Variants in GRID2 observed in about 807,000 individuals in gnomAD.
GRID2 encodes the protein glutamate receptor ionotropic, delta-2.
In GRID2, 33 loss-of-function variants were observed where a neutral mutation model predicts 114.8. The ratio of observed to expected loss-of-function variants is 0.29; its 90% CI spans 0.22 to 0.38. GRID2 has a LOEUF of 0.38. Among genes scored for constraint, GRID2 ranks in the 10% least tolerant of loss-of-function variants. GRID2 has a pLI of 1.00. For missense variants in GRID2, 1,184 were observed against 1,257.7 expected, an observed-to-expected ratio of 0.94 and a Z score of 0.89; for synonymous variants, 505 against 449.9, an observed-to-expected ratio of 1.12 and a Z score of -1.55.
intron 2 of GRID2, among the ~76,000 whole-genome samples, chr4:92,764,771 A>G (rs1465854903): frequency 6.6e-6 from 1 of 152,144 alleles, no homozygotes; most frequent in Non-Finnish European, 1.5e-5. Flanking sequence ...TGCCTGATGC[A>G]TAGCTGTTGA....
intron 14 of GRID2, among the ~76,000 whole-genome samples, chr4:93,672,613 AT>A (rs1304789521): frequency 6.6e-6 from 1 of 152,108 alleles, no homozygotes; most frequent in Non-Finnish European, 1.5e-5. Flanking sequence ...TATTCCCACA[AT>A]TTTTTTCTAA....
chr4:93,261,952 C>T (rs562907860), intron 8 of GRID2, among the ~76,000 whole-genome samples: 21 of 151,426 alleles, frequency 1.4e-4, no homozygotes, highest in African/African-American at 4.8e-4. Context: ...AAATACTGAA[C>T]CAAAATAGGC....
intron 2 of GRID2, among the ~76,000 whole-genome samples, chr4:93,073,771 T>C (rs1729020313): frequency 6.6e-6 from 1 of 152,142 alleles, no homozygotes; most frequent in African/African-American, 2.4e-5. Flanking sequence ...TTCACAGATA[T>C]AAGCCAAGGT....
chr4:93,231,303 T>G (rs1746106641), intron 7 of GRID2, among the ~76,000 whole-genome samples: 1 of 151,008 alleles, frequency 6.6e-6, no homozygotes, highest in Non-Finnish European at 1.5e-5. Flanking sequence ...CATGTATTAA[T>G]CACTCTTTTA....
chr4:93,671,692 G>A (rs1724433880), intron 14 of GRID2, among the ~76,000 whole-genome samples: 1 of 152,106 alleles, frequency 6.6e-6, no homozygotes, highest in Non-Finnish European at 1.5e-5. Context: ...AACCAGGTTG[G>A]GCGCAGTGGC....
intron 13 of GRID2, among the ~76,000 whole-genome samples, chr4:93,582,595 C>T (rs1050096534): frequency 6.6e-6 from 1 of 152,076 alleles, no homozygotes; most frequent in African/African-American, 2.4e-5. Context: ...TGAGAAGTAG[C>T]GATCATCTCA....
intron 11 of GRID2, among the ~76,000 whole-genome samples, chr4:93,465,260 A>G (rs946780961): frequency 1.3e-5 from 2 of 152,226 alleles, no homozygotes; most frequent in Non-Finnish European, 2.9e-5. Context: ...ACCATGAGCC[A>G]ATTTTTTACC....
intron 1 of GRID2, among the ~76,000 whole-genome samples, chr4:92,390,777 C>T (rs765238402): frequency 1.6e-4 from 24 of 152,078 alleles, no homozygotes; most frequent in Non-Finnish European, 2.8e-4. Flanking sequence ...TGCTGCTTTA[C>T]CTTTTATTCC....
chr4:93,476,069 A>C (rs1725294125), intron 11 of GRID2, among the ~76,000 whole-genome samples: 1 of 152,106 alleles, frequency 6.6e-6, no homozygotes, highest in Admixed American at 6.6e-5. Context: ...AAAAGAGAAT[A>C]ATTTTTGAGA....
chr4:93,697,869 G>GTGTATATATATATATATATA (rs1553986412), intron 14 of GRID2, among the ~76,000 whole-genome samples: 4 of 122,700 alleles, frequency 3.3e-5, no homozygotes, highest in East Asian at 3.2e-4. Context: ...CACAATGTGT[G>GTGTATATATATATATATATA]TATATATATA....
chr4:92,322,576 G>A (rs1726368860), intron 1 of GRID2, among the ~76,000 whole-genome samples: 2 of 151,980 alleles, frequency 1.3e-5, no homozygotes, highest in African/African-American at 4.8e-5. Flanking sequence ...ATTAAAAAGT[G>A]TTGCTGTTGG....
intron 1 of GRID2, among the ~76,000 whole-genome samples, chr4:92,578,915 T>G (rs2149200485): frequency 6.6e-6 from 1 of 152,348 alleles, no homozygotes; most frequent in Non-Finnish European, 1.5e-5. Flanking sequence ...AATTTTCATC[T>G]ATTTACCAAA....
intron 8 of GRID2, among the ~76,000 whole-genome samples, chr4:93,382,291 G>T (rs901901527): frequency 6.6e-6 from 1 of 151,846 alleles, no homozygotes; most frequent in Non-Finnish European, 1.5e-5. Context: ...TGTTATATTT[G>T]GGAGTTTTGG....
intron 2 of GRID2, among the ~76,000 whole-genome samples, chr4:92,911,777 C>CTT (rs529109175): frequency 8.4e-5 from 12 of 143,196 alleles, no homozygotes; most frequent in East Asian, 6.1e-4. Flanking sequence ...AAATAAATGC[C>CTT]TTTTTTTTTT....
rs531306464 is a variant in GRID2, at chr4:92,448,548, G to A, written c.89-141583G>A. On this transcript the variant is annotated intron_variant, in intron 1 of 15. Transcript: ENST00000282020. ...ACAAATTAAGTAACTAGCCCAGTTA[G>A]GAAAATAGTACACAAGTACTAAATC... 7.2e-5 allele frequency among the ~76,000 whole-genome samples: 11 copies of A among 151,852 alleles called. No homozygotes were observed. The East Asian group carries it at 2.1e-3, about 29-fold the overall frequency.
At chr4:92,642,622 T>G (rs1017577594) in intron 2 of GRID2, among the ~76,000 whole-genome samples, 4 of 151,734 alleles carry the variant, frequency 2.6e-5, no homozygotes, top group Non-Finnish European at 4.4e-5. Context: ...TGTTGTTGTT[T>G]TTGTTGTTTT....
chr4:93,301,040 C>T (rs556729324), intron 8 of GRID2, among the ~76,000 whole-genome samples: 3 of 152,288 alleles, frequency 2.0e-5, no homozygotes, highest in East Asian at 1.9e-4. Flanking sequence ...GGCCTGACAC[C>T]GGGCTGCCTG....
chr4:93,304,427 CT>C (rs1478974253), intron 8 of GRID2, among the ~76,000 whole-genome samples: 4 of 151,788 alleles, frequency 2.6e-5, no homozygotes, highest in African/African-American at 7.2e-5. Context: ...ACTAGAGGTG[CT>C]TTTTTCCCCC....
chr4:93,145,305 G>A (rs1560924932), intron 4 of GRID2, among the ~76,000 whole-genome samples: 1 of 152,030 alleles, frequency 6.6e-6, no homozygotes, highest in East Asian at 1.9e-4. Flanking sequence ...AGCACGTAGA[G>A]CAGTGTCTAA....
Sources: allele counts gnomAD v4.1 joint callset (sites outside exome capture counted in the v4.1 genomes callset), GRCh38; gene constraint gnomAD v4.1.1; transcripts MANE v1.5; gene names NCBI Gene and HGNC (gene_info 2026-07-23, HGNC 2026-07-21).